PRL: variants seen among roughly 807,000 people sequenced by gnomAD.
The protein encoded by PRL is decidual prolactin.
Under a neutral mutation model 21.3 loss-of-function variants are expected in PRL, and 24 were observed. The observed-to-expected ratio is 1.13, with a 90% confidence interval of 0.82 to 1.59. PRL has a LOEUF of 1.59. PRL is among the 40% of genes most tolerant of loss of function. The pLI, the probability that PRL is intolerant of heterozygous loss-of-function variation, is 0.00. For missense variants in PRL, 243 were observed against 286.9 expected (o/e 0.85, Z 1.10); for synonymous variants, 118 against 115.7 (o/e 1.02, Z -0.13).
upstream of PRL, among the ~76,000 whole-genome samples, chr6:22,299,125 T>A (rs1761235970): frequency 6.6e-6 from 1 of 152,252 alleles, no homozygotes; most frequent in Non-Finnish European, 1.5e-5. Flanking sequence ...CCTTTCACCT[T>A]AATTTTTATA....
At chr6:22,302,068 AT>A (rs1370141026), upstream of PRL, among the ~76,000 whole-genome samples, 1 of 152,208 alleles carries the variant, frequency 6.6e-6, no homozygotes, top group African/African-American at 2.4e-5. Flanking sequence ...AAACTAAAAA[AT>A]ACACTTGTTA....
chr6:22,287,386 T>A lies in PRL; in HGVS notation c.*16A>T, dbSNP rs1157464289. 1.9e-6 allele frequency: 3 copies of A among 1,598,242 alleles called. No individual in the cohort carries two copies. The highest frequency in any genetic ancestry group is 2.6e-6 in the Non-Finnish European group (3 of 1,168,006). On this transcript the variant is annotated 3_prime_UTR_variant, in exon 5 of 5. Transcript: ENST00000306482. ...CATTAAGGACCTTCTCAGAAATAGA[T>A]GAAATGGATGTGGGCTTAGCAGTTG...
At chr6:22,293,643 G>GAAAAA (rs1464213353) in intron 2 of PRL, among the ~76,000 whole-genome samples, 7 of 37,850 alleles carry the variant, frequency 1.8e-4, no homozygotes. Flanking sequence ...AGGAAGGAAG[G>GAAAAA]AAGGAAGGAA....
At chr6:22,290,557 G>A (rs1481845170) in intron 3 of PRL, among the ~76,000 whole-genome samples, 8 of 151,782 alleles carry the variant, frequency 5.3e-5, no homozygotes, top group African/African-American at 1.7e-4. Flanking sequence ...AAAAAAATCC[G>A]GCTTATTTCA....
At chr6:22,299,846 C>CA (rs113984409), upstream of PRL, among the ~76,000 whole-genome samples, 17 of 150,670 alleles carry the variant, frequency 1.1e-4, no homozygotes, top group Admixed American at 2.0e-4. Context: ...CTCAAAAAAA[C>CA]AAAAAAAAAT....
intron 4 of PRL, among the ~76,000 whole-genome samples, chr6:22,289,780 T>C (rs1482429540): frequency 6.6e-6 from 1 of 152,252 alleles, no homozygotes; most frequent in East Asian, 1.9e-4. Context: ...CTTTCTCCCT[T>C]CCCACTCTCA....
chr6:22,299,420 T>C (rs2113520578), upstream of PRL, among the ~76,000 whole-genome samples: 1 of 152,384 alleles, frequency 6.6e-6, no homozygotes, highest in African/African-American at 2.4e-5. Context: ...TTTTTAACAT[T>C]AAGTAACATC....
In PRL at chr6:22,296,937, G is replaced by A; in HGVS notation, c.28+18C>T. The A allele has an allele frequency of 6.2e-7, 1 of 1,612,886 alleles. No homozygotes were observed. Among genetic ancestry groups the A allele is most frequent in the Non-Finnish European group, 8.5e-7 (1 of 1,178,982 alleles). On this transcript the variant is annotated intron_variant, in intron 1 of 4. Coordinates refer to ENST00000306482, the MANE Select transcript of PRL (RefSeq NM_000948.6). ...GAGTGTTGATACAACCAACAACGCAGTGAGTTGTCACACATACCTTTCCAT... is the reference window on the plus strand; with the variant it reads ...GAGTGTTGATACAACCAACAACGCAATGAGTTGTCACACATACCTTTCCAT...
At position 22,292,571 on chromosome 6, in the gene PRL, G is replaced by C; in HGVS notation, c.279C>G (p.Thr93=). Reference sequence around the variant, plus strand: ...GTTGGGCTTGCTCCTTGTCTTCGGGGGTGGCAAGGGAAGAAGTGTGGCAGC... The same window carrying C: ...GTTGGGCTTGCTCCTTGTCTTCGGGCGTGGCAAGGGAAGAAGTGTGGCAGC... ...INSCHTSSLA[T]PEDKEQAQQM... Residue 93 remains threonine, a synonymous_variant, in exon 3 of 5, where the codon ACC becomes ACG. Coordinates refer to ENST00000306482, the MANE Select transcript of PRL (RefSeq NM_000948.6). 6.2e-7 allele frequency: 1 copy of C among 1,614,076 alleles called. No individual in the cohort carries two copies. The highest frequency in any genetic ancestry group is 8.5e-7 in the Non-Finnish European group (1 of 1,180,006).
At position 22,290,176 on chromosome 6, in the gene PRL, G is replaced by A; in HGVS notation, c.490C>T (p.Gln164Ter). ...LLEGMELIVS[Q>*]VHPETKENEI... ...AGAAGCACCAGGAGGCTGCTCACCT[G>A]GCTGACTATCAGCTCCATGCCCTCT... The change falls in exon 4 of 5, where the codon CAG becomes TAG. Residue 164 changes from glutamine (Q) to a stop codon, truncating the protein, a stop_gained and splice_region_variant. Transcript: ENST00000306482. LOFTEE classifies it low-confidence loss of function (END_TRUNC). The A allele has an allele frequency of 6.4e-7, 1 of 1,570,666 alleles. No homozygotes were observed. The highest frequency in any genetic ancestry group is 8.7e-7 in the Non-Finnish European group (1 of 1,149,326).
intron 3 of PRL, among the ~76,000 whole-genome samples, chr6:22,291,829 G>A (rs571761219): frequency 6.6e-6 from 1 of 152,156 alleles, no homozygotes; most frequent in Non-Finnish European, 1.5e-5. Context: ...CTGTGATTAT[G>A]GTAGACAACC....
At chr6:22,287,948 T>G (rs1003219931) in intron 4 of PRL, among the ~76,000 whole-genome samples, 5 of 152,178 alleles carry the variant, frequency 3.3e-5, no homozygotes, top group Admixed American at 6.5e-5. Context: ...CTATTTCATT[T>G]CTCCAGTCTT....
At chr6:22,301,508 A>T (rs186933232), upstream of PRL, among the ~76,000 whole-genome samples, 2 of 152,166 alleles carry the variant, frequency 1.3e-5, no homozygotes, top group Non-Finnish European at 2.9e-5. Context: ...AAGTCAGGGA[A>T]GTGAGTCTGT....
At chr6:22,293,644 A>AAAAG (rs1761105621) in intron 2 of PRL, among the ~76,000 whole-genome samples, 2 of 56,230 alleles carry the variant, frequency 3.6e-5, no homozygotes, top group Non-Finnish European at 7.9e-5. Flanking sequence ...GGAAGGAAGG[A>AAAAG]AGGAAGGAAG....
chr6:22,301,363 A>G (rs560437383), upstream of PRL, among the ~76,000 whole-genome samples: 38 of 152,336 alleles, frequency 2.5e-4, no homozygotes, highest in African/African-American at 9.1e-4. Context: ...ACAGAAAGCT[A>G]TAGCGATAGA....
At chr6:22,292,414 C>A (rs906754478) in intron 3 of PRL, 124 bp downstream of exon 3, 8 of 890,672 alleles carry the variant, frequency 9.0e-6, no homozygotes, top group Non-Finnish European at 1.3e-5. Flanking sequence ...TTTTTGACTG[C>A]TTATTCTTCC....
Position 22,288,904 on chromosome 6 carries a change from G to A in PRL, c.492+1270C>T, listed in dbSNP as rs1049383601. ...CGTGCGCGTGTGTGTGCGTGTGTGC[G>A]CGCGCGTGTGTGTGCGTGCGCGTGT... On this transcript the variant is annotated intron_variant, in intron 4 of 4. Coordinates refer to ENST00000306482, the MANE Select transcript of PRL (RefSeq NM_000948.6). This position sits in a 1 kb window ranked among gnomAD's most constrained non-coding sequence, Gnocchi z 4.5. Among the ~76,000 whole-genome samples the A allele has an allele frequency of 3.4e-5, 5 of 149,052 alleles. No individual in the cohort carries two copies. In the South Asian group the frequency reaches 6.3e-4, roughly 19 times the overall value.
At position 22,290,225 on chromosome 6, in the gene PRL, A is replaced by G. The variant is rs1761018947; in HGVS notation, c.441T>C (p.Ile147=). The G allele has an allele frequency of 1.2e-6, 2 of 1,608,564 alleles. No homozygotes were observed. Among genetic ancestry groups the G allele is most frequent in the Non-Finnish European group, 8.5e-7 (1 of 1,176,140 alleles). The change falls in exon 4 of 5, where the codon ATT becomes ATC. Residue 147 remains isoleucine (I), a synonymous_variant. Transcript: ENST00000306482. ...PEAILSKAVE[I]EEQTKRLLEG... is the part of the protein sequence containing the mutation. ...CTAGAAGCCGTTTGGTTTGCTCCTC[A>G]ATCTCTACAGCTTTGGATAGGATAG... is the stretch of plus-strand genomic sequence containing the variant.
At chr6:22,296,163 G>A (rs1761168780) in intron 1 of PRL, among the ~76,000 whole-genome samples, 1 of 152,194 alleles carries the variant, frequency 6.6e-6, no homozygotes, top group African/African-American at 2.4e-5. Flanking sequence ...GTAACTCTGA[G>A]TACATTTATC....
Sources: allele counts gnomAD v4.1 joint callset (sites outside exome capture counted in the v4.1 genomes callset), GRCh38; gene constraint gnomAD v4.1.1; non-coding constraint Gnocchi (gnomAD v3.1); transcripts MANE v1.5; gene names NCBI Gene and HGNC (gene_info 2026-07-23, HGNC 2026-07-21).